TCHP: variants seen among roughly 807,000 people sequenced by gnomAD.
TCHP encodes trichoplein keratin filament-binding protein.
In TCHP, 81 loss-of-function variants were observed where a neutral mutation model predicts 88.7. That is an observed-to-expected ratio of 0.91 (90% CI 0.76 to 1.10). The LOEUF is 1.10. Ranked by LOEUF, TCHP falls within the 50% of genes least tolerant of loss-of-function variation. TCHP has a pLI of 0.00. For synonymous variants in TCHP, 232 were observed against 232.5 expected, an observed-to-expected ratio of 1.00 and a Z score of 0.02; for missense variants, 641 against 632.1, an observed-to-expected ratio of 1.01 and a Z score of -0.15.
In TCHP at chr12:109,917,371, G is replaced by A. The variant is rs1437208996; in HGVS notation, c.*748G>A. 1 of 152,212 alleles carries A rather than the reference G, an allele frequency of 6.6e-6. No individual in the cohort carries two copies. Among genetic ancestry groups the A allele is most frequent in the Non-Finnish European group, 1.5e-5 (1 of 68,060 alleles). The allele number at this position is 152,212 out of a possible 1,614,324, so 9.4% of individuals were successfully genotyped here. ...CACGTGCCTTTAGTCCCAGCTACCCGGGAGGCTGCGGCAAGAGGATTGCTT... is the reference window on the plus strand; with the variant it reads ...CACGTGCCTTTAGTCCCAGCTACCCAGGAGGCTGCGGCAAGAGGATTGCTT... On this transcript the variant is annotated 3_prime_UTR_variant, in exon 13 of 13. Coordinates refer to ENST00000405876, the MANE Select transcript of TCHP (RefSeq NM_001143852.2).
At position 109,903,204 on chromosome 12, in the gene TCHP, T is replaced by G; in HGVS notation, c.178T>G (p.Tyr60Asp). 1.2e-6 allele frequency: 2 copies of G among 1,610,566 alleles called. No individual in the cohort carries two copies. Among genetic ancestry groups the G allele is most frequent in the Non-Finnish European group, 1.7e-6 (2 of 1,177,476 alleles). ...KQAEWSSKTS[Y>D]QRSMHAYQRE... is the part of the protein sequence containing the mutation. ...GGCAGAATGGAGCTCTAAAACCTCC[T>G]ACCAGCGGAGGTAATTGTGCGGTAA... The change falls in exon 2 of 13, where the codon TAC becomes GAC. Residue 60 changes from tyrosine (Y) to aspartate (D), a missense_variant. By Grantham distance (160) the Tyr-to-Asp change is radical. Coordinates refer to ENST00000405876, the MANE Select transcript of TCHP (RefSeq NM_001143852.2). This position sits in a 1 kb window ranked among gnomAD's most constrained non-coding sequence, Gnocchi z 4.6.
At chr12:109,880,912 G>C in the TCHP span, among the ~76,000 whole-genome samples, 40 of 152,188 alleles carry the variant, frequency 2.6e-4, 1 homozygote, top group Non-Finnish European at 4.4e-5. The surrounding 1 kb of genome is among the most constrained non-coding windows in gnomAD (Gnocchi z 5.1). Flanking sequence ...CAAGTGACCT[G>C]GGTGGACACT....
At chr12:109,887,549 TCTC>T in the TCHP span, among the ~76,000 whole-genome samples, 1 of 152,092 alleles carries the variant, frequency 6.6e-6, no homozygotes, top group African/African-American at 2.4e-5. Context: ...AACCTGGTGT[TCTC>T]CTTGTTTTTT....
the TCHP span, among the ~76,000 whole-genome samples, chr12:109,886,691 G>T: frequency 2.6e-5 from 4 of 151,706 alleles, no homozygotes; most frequent in Non-Finnish European, 5.9e-5. Context: ...TTTGTTTTTT[G>T]GGAGATTTTT....
upstream of TCHP, among the ~76,000 whole-genome samples, chr12:109,898,503 C>T (rs1443782034): frequency 6.6e-6 from 1 of 152,220 alleles, no homozygotes; most frequent in African/African-American, 2.4e-5. Context: ...AGCCACCAGG[C>T]CCGGCCTGAA....
At chr12:109,908,065 G>C (rs998310746) in intron 6 of TCHP, among the ~76,000 whole-genome samples, 10 of 152,166 alleles carry the variant, frequency 6.6e-5, no homozygotes, top group Admixed American at 6.5e-4. Context: ...TTCGGGTCTC[G>C]AGGCATAACT....
intron 10 of TCHP, among the ~76,000 whole-genome samples, chr12:109,913,617 C>T (rs1345795267): frequency 6.6e-6 from 1 of 152,214 alleles, no homozygotes; most frequent in African/African-American, 2.4e-5. Flanking sequence ...GACATAACTG[C>T]TTTCCTGGTC....
chr12:109,902,944 C>A, intron 1 of TCHP, 83 bp from the exon 2 acceptor site: 1 of 1,145,394 alleles, frequency 8.7e-7, no homozygotes, highest in Non-Finnish European at 1.2e-6. Context: ...GGGGTGGTGA[C>A]CACTCGTTAA....
chr12:109,912,795 T>TA lies in TCHP; in HGVS notation c.1053-188dup, dbSNP rs1364657137. Among the ~76,000 whole-genome samples the TA allele has an allele frequency of 7.2e-5, 11 of 151,832 alleles. No individual in the cohort carries two copies. In the East Asian group the frequency reaches 9.7e-4, roughly 13 times the overall value. ...AACAGAGCGAGACCCATCTCAAAAA[T>TA]AAAAAAAATGAAAAACTTCCAACAG... On this transcript the variant is annotated intron_variant, in intron 9 of 12. Coordinates refer to ENST00000405876, the MANE Select transcript of TCHP (RefSeq NM_001143852.2).
chr12:109,915,362 G>A, intron 11 of TCHP, 41 bp from the exon 12 acceptor site: 1 of 1,613,772 alleles, frequency 6.2e-7, no homozygotes, highest in South Asian at 1.1e-5. Context: ...TCTGCCCTGT[G>A]GGCCTTGTCT....
At chr12:109,892,781 G>C in the TCHP span, among the ~76,000 whole-genome samples, 1 of 152,176 alleles carries the variant, frequency 6.6e-6, no homozygotes, top group Non-Finnish European at 1.5e-5. Context: ...ACTACTCTAA[G>C]CCTCAGTGGG....
upstream of TCHP, among the ~76,000 whole-genome samples, chr12:109,899,049 C>G (rs1470001523): frequency 2.0e-5 from 3 of 152,064 alleles, no homozygotes; most frequent in East Asian, 3.9e-4. Flanking sequence ...CAACTCCTGA[C>G]CTCAGGTAAT....
In TCHP at chr12:109,917,381, G is replaced by A. The variant is rs146702695; in HGVS notation, c.*758G>A. On this transcript the variant is annotated 3_prime_UTR_variant, in exon 13 of 13. Transcript: ENST00000405876. ...TAGTCCCAGCTACCCGGGAGGCTGCGGCAAGAGGATTGCTTGAGCCCAGGA... is the reference window on the plus strand; with the variant it reads ...TAGTCCCAGCTACCCGGGAGGCTGCAGCAAGAGGATTGCTTGAGCCCAGGA... 748 of 152,312 alleles carry A rather than the reference G, an allele frequency of 4.9e-3. 6 individuals are homozygous for A. The highest frequency in any genetic ancestry group is 0.017 in the African/African-American group (709 of 41,548). 9.4% of individuals were successfully genotyped at this position (152,312 alleles called of 1,614,324 possible).
At chr12:109,911,333 T>A (rs1368596061) in intron 9 of TCHP, 98 bp downstream of exon 9, 1 of 654,634 alleles carries the variant, frequency 1.5e-6, no homozygotes, top group Non-Finnish European at 2.5e-6. Flanking sequence ...ATCTATTGGC[T>A]GGGCGTGGAG....
the TCHP span, among the ~76,000 whole-genome samples, chr12:109,883,554 C>T: frequency 3.9e-5 from 6 of 152,092 alleles, no homozygotes; most frequent in Non-Finnish European, 5.9e-5. Context: ...CTCACTACCT[C>T]GAGCATCCTA....
chr12:109,898,126 C>T (rs1869610482), upstream of TCHP, among the ~76,000 whole-genome samples: 1 of 152,196 alleles, frequency 6.6e-6, no homozygotes, highest in Admixed American at 6.5e-5. Context: ...AGTTTGGGCT[C>T]ACCTGGGATG....
Position 109,907,579 on chromosome 12 carries a change from G to C in TCHP, c.579G>C (p.Arg193Ser), listed in dbSNP as rs1351660912. The C allele has an allele frequency of 1.2e-6, 2 of 1,614,100 alleles. No homozygotes were observed. Among genetic ancestry groups the C allele is most frequent in the Non-Finnish European group, 8.5e-7 (1 of 1,180,060 alleles). ...AACGGTATGAAAATGAATATGAAAG[G>C]GCCCGAAGGGAGGCGCTAGAAAGGA... is the stretch of plus-strand genomic sequence containing the variant. ...ENKRYENEYERARREALERMK... is the reference protein window; with the variant it reads ...ENKRYENEYESARREALERMK... The change falls in exon 6 of 13, where the codon AGG becomes AGC. Residue 193 changes from arginine (R) to serine (S), a missense_variant. Transcript: ENST00000405876.
rs768398986 is a variant in TCHP at position 109,914,522 on chromosome 12, G to C, written c.1215G>C (p.Arg405Ser). The C allele has an allele frequency of 6.2e-7, 1 of 1,614,166 alleles. No individual in the cohort carries two copies. The highest frequency in any genetic ancestry group is 8.5e-7 in the Non-Finnish European group (1 of 1,180,022). Residue 405 changes from arginine to serine, a missense_variant, in exon 11 of 13, where the codon AGG (arginine) becomes AGC (serine). Coordinates refer to ENST00000405876, the MANE Select transcript of TCHP (RefSeq NM_001143852.2). ...CACAAGAGGAATCCCTGAAACACAG[G>C]GAGCAACTTATTCGAAATCTTGAGG... ...RRAQEESLKH[R>S]EQLIRNLEEV...
upstream of TCHP, among the ~76,000 whole-genome samples, chr12:109,896,783 C>T (rs992161328): frequency 3.3e-5 from 5 of 152,004 alleles, no homozygotes; most frequent in Admixed American, 6.6e-5. Context: ...GACGTGGTGG[C>T]GGGCACCTGT....
Sources: allele counts gnomAD v4.1 joint callset (sites outside exome capture counted in the v4.1 genomes callset), GRCh38; gene constraint gnomAD v4.1.1; non-coding constraint Gnocchi (gnomAD v3.1); transcripts MANE v1.5; gene names NCBI Gene and HGNC (gene_info 2026-07-23, HGNC 2026-07-21).